Variants in PDE10A observed in about 807,000 individuals in gnomAD.
PDE10A encodes the protein phosphodiesterase 10A.
A neutral mutation model predicts 97.7 loss-of-function variants in PDE10A; 39 were observed. That is an observed-to-expected ratio of 0.40 (90% CI 0.31 to 0.52). PDE10A has a LOEUF of 0.52. PDE10A is among the 20% of genes least tolerant of loss of function. The pLI is 0.56. For synonymous variants in PDE10A, 371 were observed against 376.8 expected, an observed-to-expected ratio of 0.98 and a Z score of 0.18; for missense variants, 731 against 1,047.8, an observed-to-expected ratio of 0.70 and a Z score of 4.17.
intron 1 of PDE10A, among the ~76,000 whole-genome samples, chr6:165,749,460 TCATCAACAACAC>T: frequency 5.5e-5 from 1 of 18,120 alleles, no homozygotes; most frequent in African/African-American, 2.0e-4. Context: ...CACATCACCA[TCATCAACAACAC>T]CATCAACACC....
At chr6:165,922,263 C>A (rs1782777151) in intron 1 of PDE10A, among the ~76,000 whole-genome samples, 1 of 152,090 alleles carries the variant, frequency 6.6e-6, no homozygotes. Flanking sequence ...CATCAGAGTA[C>A]CCCAAGACAG....
intron 17 of PDE10A, among the ~76,000 whole-genome samples, chr6:165,383,597 C>A (rs1785067148): frequency 6.6e-6 from 1 of 152,088 alleles, no homozygotes; most frequent in Non-Finnish European, 1.5e-5. Flanking sequence ...ATCTTCCCCT[C>A]CCCATGCTCT....
intron 1 of PDE10A, among the ~76,000 whole-genome samples, chr6:165,674,600 G>T (rs1050191980): frequency 6.6e-6 from 1 of 152,188 alleles, no homozygotes; most frequent in Admixed American, 6.5e-5. Context: ...ACGTAAAATG[G>T]CTCGCTAATG....
intron 1 of PDE10A, among the ~76,000 whole-genome samples, chr6:165,755,895 T>C (rs1472772399): frequency 6.6e-6 from 1 of 152,168 alleles, no homozygotes; most frequent in Non-Finnish European, 1.5e-5. Context: ...TGGCGTATAT[T>C]TCCCTGCAAT....
At chr6:165,377,233 G>A (rs1784661391) in intron 18 of PDE10A, among the ~76,000 whole-genome samples, 1 of 151,942 alleles carries the variant, frequency 6.6e-6, no homozygotes, top group South Asian at 2.1e-4. Context: ...CAATACATCT[G>A]AGTTATGCTT....
intron 5 of PDE10A, among the ~76,000 whole-genome samples, chr6:165,437,695 C>T (rs561731311): frequency 2.4e-4 from 36 of 152,276 alleles, no homozygotes; most frequent in African/African-American, 7.5e-4. Context: ...ACATTGAATA[C>T]ATTGTGATAT....
chr6:165,512,358 T>C (rs889444251), intron 2 of PDE10A, among the ~76,000 whole-genome samples: 1 of 151,856 alleles, frequency 6.6e-6, no homozygotes, highest in Non-Finnish European at 1.5e-5. Flanking sequence ...TTGTGAAAGA[T>C]AATTTTGCTG....
intron 5 of PDE10A, among the ~76,000 whole-genome samples, chr6:165,447,824 A>G (rs1391404278): frequency 6.6e-6 from 1 of 152,208 alleles, no homozygotes; most frequent in Non-Finnish European, 1.5e-5. Flanking sequence ...TACAAGAATG[A>G]ACAAGAAAAT....
At chr6:165,333,942 C>A (rs553663856) in intron 21 of PDE10A, among the ~76,000 whole-genome samples, 1 of 152,344 alleles carries the variant, frequency 6.6e-6, no homozygotes, top group Non-Finnish European at 1.5e-5. Flanking sequence ...TCTCAAATTT[C>A]TTTTAGCAAA....
chr6:165,384,963 G>A (rs115231237), intron 17 of PDE10A, among the ~76,000 whole-genome samples: 243 of 152,238 alleles, frequency 1.6e-3, no homozygotes, highest in African/African-American at 5.7e-3. Context: ...CGCCATGCTC[G>A]TAATCATCTG....
chr6:165,915,456 C>T (rs1469762078), intron 1 of PDE10A, among the ~76,000 whole-genome samples: 2 of 152,210 alleles, frequency 1.3e-5, no homozygotes, highest in African/African-American at 4.8e-5. Flanking sequence ...GAGGGAGTGG[C>T]TGTTACACCT....
chr6:165,448,397 G>A (rs982662899), intron 5 of PDE10A, among the ~76,000 whole-genome samples: 4 of 152,174 alleles, frequency 2.6e-5, no homozygotes, highest in Admixed American at 2.0e-4. Flanking sequence ...CGGCCTGGTG[G>A]CAGAAGACTG....
At chr6:165,970,388 A>G (rs1267965425) in intron 1 of PDE10A, among the ~76,000 whole-genome samples, 1 of 152,208 alleles carries the variant, frequency 6.6e-6, no homozygotes, top group Non-Finnish European at 1.5e-5. Context: ...TGATCAATGT[A>G]AGAGAATGTC....
chr6:165,749,313 A>G (rs1352592278), intron 1 of PDE10A, among the ~76,000 whole-genome samples: 3 of 71,904 alleles, frequency 4.2e-5, no homozygotes, highest in Non-Finnish European at 9.2e-5. Context: ...CACCATCACC[A>G]TCATCACCAT....
At chr6:165,372,878 G>T (rs949248098) in intron 18 of PDE10A, among the ~76,000 whole-genome samples, 5 of 151,930 alleles carry the variant, frequency 3.3e-5, no homozygotes, top group African/African-American at 1.2e-4. Flanking sequence ...TACCAAAACA[G>T]AGAAACAGAT....
At chr6:165,652,027 CT>C (rs1330814149) in intron 1 of PDE10A, among the ~76,000 whole-genome samples, 1 of 152,156 alleles carries the variant, frequency 6.6e-6, no homozygotes, top group Non-Finnish European at 1.5e-5. Context: ...GCCAGTACCA[CT>C]TGTCTTCATT....
chr6:165,844,117 T>A (rs896915495), intron 1 of PDE10A, among the ~76,000 whole-genome samples: 1 of 152,166 alleles, frequency 6.6e-6, no homozygotes, highest in African/African-American at 2.4e-5. Context: ...AGCCAACTTT[T>A]GTTTTAGTGT....
chr6:165,371,296 T>C (rs994871856), intron 18 of PDE10A, among the ~76,000 whole-genome samples: 6 of 152,030 alleles, frequency 3.9e-5, no homozygotes, highest in South Asian at 2.1e-4. Flanking sequence ...CAGGAGCTGG[T>C]TTTTTGAAAG....
intron 1 of PDE10A, among the ~76,000 whole-genome samples, chr6:165,970,544 A>G (rs935502984): frequency 6.6e-6 from 1 of 152,204 alleles, no homozygotes; most frequent in Non-Finnish European, 1.5e-5. Flanking sequence ...CAGTTATCAT[A>G]TATAAAAAAA....
Sources: allele counts gnomAD v4.1 joint callset (sites outside exome capture counted in the v4.1 genomes callset), GRCh38; gene constraint gnomAD v4.1.1; transcripts MANE v1.5; gene names NCBI Gene and HGNC (gene_info 2026-07-23, HGNC 2026-07-21).